DTNA: variants seen among roughly 807,000 people sequenced by gnomAD.
The protein encoded by DTNA is dystrophin-related protein 3.
In DTNA, 43 loss-of-function variants were observed where a neutral mutation model predicts 100.7. The ratio of observed to expected loss-of-function variants is 0.43; its 90% CI spans 0.33 to 0.55. The LOEUF is 0.55. Ranked by LOEUF, DTNA falls within the 20% of genes least tolerant of loss-of-function variation. The pLI, the probability that DTNA is intolerant of heterozygous loss-of-function variation, is 0.04. For missense variants in DTNA, 798 were observed against 953.9 expected (o/e 0.84, Z 2.15); for synonymous variants, 349 against 347.9 (o/e 1.00, Z -0.04).
At position 34,848,360 on chromosome 18, in the gene DTNA, C is replaced by T. The variant is rs1179382297; in HGVS notation, c.1411C>T (p.Leu471=). 6.2e-7 allele frequency: 1 copy of T among 1,614,000 alleles called. No individual in the cohort carries two copies. Reference sequence around the variant, plus strand: ...GCTAATTGCCAGGTATGCGGCAAGGCTGGCAGCAGAGTCCTCTTCGTCTGT... The same window carrying T: ...GCTAATTGCCAGGTATGCGGCAAGGTTGGCAGCAGAGTCCTCTTCGTCTGT... The part of the protein sequence containing the change: ...HRLIARYAAR[L]AAESSSSQPP... The change falls in exon 14 of 23, where the codon CTG becomes TTG. Residue 471 remains leucine (L), a synonymous_variant. Coordinates refer to ENST00000444659, the MANE Select transcript of DTNA (RefSeq NM_001386795.1).
intron 17 of DTNA, among the ~76,000 whole-genome samples, chr18:34,865,700 A>G (rs778507631): frequency 6.6e-6 from 1 of 152,224 alleles, no homozygotes; most frequent in Non-Finnish European, 1.5e-5. Context: ...GACTGAACCT[A>G]TCTTTCCCCT....
intron 4 of DTNA, 52 bp from the exon 5 acceptor site, chr18:34,806,167 C>A: frequency 2.0e-6 from 3 of 1,505,158 alleles, no homozygotes; most frequent in Admixed American, 1.7e-5. Flanking sequence ...CAAATGACAT[C>A]ATGGTTTTGT....
chr18:34,649,858 C>T (rs1414747515), intron 1 of DTNA, among the ~76,000 whole-genome samples: 1 of 152,036 alleles, frequency 6.6e-6, no homozygotes, highest in African/African-American at 2.4e-5. Context: ...TTATGCTATA[C>T]GTGATCCAAA....
At chr18:34,756,072 T>C (rs747073688) in intron 2 of DTNA, 29 bp downstream of exon 2, 4 of 1,602,994 alleles carry the variant, frequency 2.5e-6, no homozygotes, top group Non-Finnish European at 3.4e-6. Context: ...AGGAACACCC[T>C]ATAGTTTCCA....
chr18:34,823,989 G>C (rs1337417316), intron 9 of DTNA, among the ~76,000 whole-genome samples: 1 of 152,150 alleles, frequency 6.6e-6, no homozygotes, highest in Non-Finnish European at 1.5e-5. Flanking sequence ...TGTTGATTTT[G>C]TAAATTAATA....
At chr18:34,495,164 A>G (rs553902034) in intron 1 of DTNA, among the ~76,000 whole-genome samples, 7 of 152,320 alleles carry the variant, frequency 4.6e-5, no homozygotes, top group African/African-American at 1.7e-4. Context: ...AAAGTCTTCT[A>G]TACTGACCAC....
intron 1 of DTNA, chr18:34,493,928 G>A (rs1977412540): frequency 1.3e-5 from 2 of 148,494 alleles, no homozygotes; most frequent in South Asian, 2.1e-4. Context: ...CTGCGGCGCG[G>A]CGCCTCCCCG....
chr18:34,544,278 T>G (rs544805170), intron 1 of DTNA, among the ~76,000 whole-genome samples: 1 of 152,062 alleles, frequency 6.6e-6, no homozygotes, highest in Non-Finnish European at 1.5e-5. Flanking sequence ...CACACTATAG[T>G]GTTATATATT....
Position 34,753,730 on chromosome 18 carries a change from C to T in DTNA, c.-1-2246C>T, listed in dbSNP as rs75463008. Among the ~76,000 whole-genome samples, 504 of 152,238 alleles carry T rather than the reference C, an allele frequency of 3.3e-3. 2 individuals are homozygous for T. The highest frequency in any genetic ancestry group is 5.6e-3 in the Non-Finnish European group (384 of 68,022). Reference sequence around the variant, plus strand: ...TTTCATCTCATTCTAACACACAGATCCAGGAACACATCACTTGTTCTATCC... The same window carrying T: ...TTTCATCTCATTCTAACACACAGATTCAGGAACACATCACTTGTTCTATCC... On this transcript the variant is annotated intron_variant, in intron 1 of 22. Transcript: ENST00000444659.
chr18:34,624,885 A>C (rs749947897), intron 1 of DTNA, among the ~76,000 whole-genome samples: 22 of 152,090 alleles, frequency 1.4e-4, no homozygotes, highest in Non-Finnish European at 2.6e-4. Flanking sequence ...GTTTTTTGAG[A>C]CAGAGTCTCA....
At chr18:34,856,333 A>G (rs558009857) in intron 15 of DTNA, among the ~76,000 whole-genome samples, 4 of 152,220 alleles carry the variant, frequency 2.6e-5, no homozygotes, top group Non-Finnish European at 4.4e-5. Context: ...TGACAACTCA[A>G]TAATCAGATC....
At chr18:34,600,790 TC>T (rs543425409) in intron 1 of DTNA, among the ~76,000 whole-genome samples, 2 of 152,262 alleles carry the variant, frequency 1.3e-5, no homozygotes, top group African/African-American at 2.4e-5. Context: ...GGTGGTTTCC[TC>T]AGGTAACAAA....
At chr18:34,595,070 A>G (rs1003696713) in intron 1 of DTNA, among the ~76,000 whole-genome samples, 26 of 150,896 alleles carry the variant, frequency 1.7e-4, no homozygotes, top group African/African-American at 6.4e-4. Context: ...AGCAATTGCA[A>G]TTAATTTTCA....
At chr18:34,703,050 T>C (rs546192876) in intron 1 of DTNA, among the ~76,000 whole-genome samples, 3 of 152,282 alleles carry the variant, frequency 2.0e-5, no homozygotes, top group Admixed American at 2.0e-4. Context: ...ACAGATAAAA[T>C]AGTCTTTATG....
intron 1 of DTNA, among the ~76,000 whole-genome samples, chr18:34,713,707 T>C (rs2083361543): frequency 6.6e-6 from 1 of 152,078 alleles, no homozygotes; most frequent in Admixed American, 6.6e-5. Context: ...GCATTGAATC[T>C]GTAAATTACC....
Position 34,530,724 on chromosome 18 carries a change from G to A in DTNA, c.-2+37210G>A, listed in dbSNP as rs142279150. On this transcript the variant is annotated intron_variant, in intron 1 of 19. Transcript: ENST00000283365. The stretch of plus-strand genomic sequence containing the variant: ...TAACTATTTTTATCCCAATTTGCTC[G>A]TAGGGAAGATTGCTTGAAGTCACAC... Among the ~76,000 whole-genome samples, 13 of 152,162 alleles carry A rather than the reference G, an allele frequency of 8.5e-5. 1 individual carries two copies. Among genetic ancestry groups the A allele is most frequent in the South Asian group, 2.1e-4 (1 of 4,826 alleles).
At chr18:34,750,801 C>T (rs909818231) in intron 1 of DTNA, among the ~76,000 whole-genome samples, 7 of 152,080 alleles carry the variant, frequency 4.6e-5, no homozygotes, top group Non-Finnish European at 7.3e-5. Flanking sequence ...ATATATCATG[C>T]GTAATAGTAA....
At chr18:34,792,792 C>G (rs1353092487) in intron 3 of DTNA, among the ~76,000 whole-genome samples, 1 of 152,080 alleles carries the variant, frequency 6.6e-6, no homozygotes, top group African/African-American at 2.4e-5. Flanking sequence ...TGAAACCCAG[C>G]CTTTTCATTT....
chr18:34,638,235 T>C (rs948123082), intron 1 of DTNA, among the ~76,000 whole-genome samples: 4 of 152,238 alleles, frequency 2.6e-5, no homozygotes, highest in Non-Finnish European at 4.4e-5. Context: ...AGTGGAATTA[T>C]TGTTAAGTCT....
Sources: gnomAD v4.1 joint callset for allele counts (sites outside exome capture counted in the v4.1 genomes callset) on GRCh38, gnomAD v4.1.1 for gene constraint, MANE v1.5 for transcripts, NCBI Gene and HGNC (gene_info 2026-07-23, HGNC 2026-07-21) for gene names.